The following UGGT2 variants were observed in gnomAD, a reference collection of about 807,000 sequenced individuals.
UGGT2 encodes the protein UDP-glucose:glycoprotein glucosyltransferase 2.
Under a neutral mutation model 192.1 loss-of-function variants are expected in UGGT2, and 180 were observed. The observed-to-expected ratio is 0.94, with a 90% confidence interval of 0.83 to 1.06. The LOEUF is 1.06. Ranked by LOEUF, UGGT2 falls within the 50% of genes least tolerant of loss-of-function variation. UGGT2 has a pLI of 0.00. For synonymous variants in UGGT2, 580 were observed against 591.0 expected (o/e 0.98, Z 0.27); for missense variants, 1,849 against 1,795.7 (o/e 1.03, Z -0.54).
At chr13:95,908,871 C>A (rs370535055) in intron 20 of UGGT2, among the ~76,000 whole-genome samples, 1 of 124,692 alleles carries the variant, frequency 8.0e-6, no homozygotes, top group Middle Eastern at 3.9e-3. Context: ...GAGTAGGTTG[C>A]GAAAATTTTC....
intron 38 of UGGT2, among the ~76,000 whole-genome samples, chr13:95,806,526 C>G (rs1884314128): frequency 6.6e-6 from 1 of 152,106 alleles, no homozygotes. Context: ...ATCAAAACCC[C>G]AATGACACTT....
At chr13:95,912,670 A>C (rs1360962617) in intron 20 of UGGT2, among the ~76,000 whole-genome samples, 2 of 152,200 alleles carry the variant, frequency 1.3e-5, no homozygotes, top group Admixed American at 1.3e-4. Flanking sequence ...GCCCAAGGTA[A>C]TTCATAGATT....
chr13:95,896,154 T>C (rs1486862918), intron 22 of UGGT2, among the ~76,000 whole-genome samples: 1 of 152,088 alleles, frequency 6.6e-6, no homozygotes, highest in African/African-American at 2.4e-5. Context: ...AACCAGATTA[T>C]TTTTTTCTTG....
rs759165928 is a variant in UGGT2 at position 95,859,585 on chromosome 13, A to C, written c.3825+6T>G. 2 of 1,603,870 alleles carry C rather than the reference A, an allele frequency of 1.2e-6. No homozygotes were observed. Among genetic ancestry groups the C allele is most frequent in the African/African-American group, 1.3e-5 (1 of 74,614 alleles). ...AACCATTCTACAAAAAAAGCTATGT[A>C]CTTACTTTAAATGTCGGTGAGAGAT... On this transcript the variant is annotated splice_donor_region_variant and intron_variant, in intron 33 of 38. Transcript: ENST00000376747.
intron 36 of UGGT2, among the ~76,000 whole-genome samples, chr13:95,850,962 G>C (rs1218137865): frequency 1.3e-5 from 2 of 152,202 alleles, no homozygotes. Context: ...TTGATATGAA[G>C]GAATAAAGAC....
chr13:96,015,853 C>T (rs2052320355), intron 4 of UGGT2, among the ~76,000 whole-genome samples: 1 of 152,168 alleles, frequency 6.6e-6, no homozygotes, highest in Non-Finnish European at 1.5e-5. Flanking sequence ...TATATATACA[C>T]CGCAAGGAGT....
At chr13:95,867,301 T>C in intron 30 of UGGT2, 38 bp downstream of exon 30, 1 of 1,476,350 alleles carries the variant, frequency 6.8e-7, no homozygotes, top group Non-Finnish European at 9.2e-7. Flanking sequence ...TTCTTAATAT[T>C]AAGAACAAAG....
chr13:95,971,229 A>G (rs2050763411), intron 11 of UGGT2, among the ~76,000 whole-genome samples: 1 of 152,232 alleles, frequency 6.6e-6, no homozygotes, highest in South Asian at 2.1e-4. Flanking sequence ...GGACGATTCC[A>G]AAGTATTGGC....
intron 2 of UGGT2, among the ~76,000 whole-genome samples, chr13:96,027,988 C>G (rs1297433926): frequency 2.0e-5 from 3 of 152,192 alleles, no homozygotes; most frequent in Non-Finnish European, 4.4e-5. Context: ...ACTACAGGTA[C>G]TCTTCCTTAG....
chr13:95,803,022 G>C (rs367888016), intron 38 of UGGT2, among the ~76,000 whole-genome samples: 3 of 151,956 alleles, frequency 2.0e-5, no homozygotes, highest in East Asian at 2.0e-4. Flanking sequence ...TTTTAGTAGA[G>C]ACGGGGTTTC....
chr13:95,837,789 C>T (rs1156880467), intron 36 of UGGT2, among the ~76,000 whole-genome samples: 1 of 152,100 alleles, frequency 6.6e-6, no homozygotes, highest in Non-Finnish European at 1.5e-5. Flanking sequence ...GGAGTCCTTC[C>T]CTTCCTTTCC....
intron 5 of UGGT2, among the ~76,000 whole-genome samples, chr13:96,005,909 C>T (rs866718912): frequency 2.6e-5 from 4 of 152,134 alleles, no homozygotes; most frequent in African/African-American, 7.2e-5. Flanking sequence ...GGAACACAAA[C>T]GTGAAACCCA....
intron 38 of UGGT2, among the ~76,000 whole-genome samples, chr13:95,824,528 A>C (rs3099357): frequency 0.28 from 43,193 of 152,008 alleles, 7,531 homozygotes; most frequent in Non-Finnish European, 0.39. Flanking sequence ...ATTAATCAAA[A>C]GCCTATCTTT....
chr13:95,914,508 C>T (rs1416540893), intron 20 of UGGT2, among the ~76,000 whole-genome samples: 1 of 150,508 alleles, frequency 6.6e-6, no homozygotes, highest in Non-Finnish European at 1.5e-5. Flanking sequence ...GGCTCAGTGG[C>T]TCCTGCCTAT....
At chr13:95,921,161 ATGGCATAAACAACACACACTG>A (rs2048832384) in intron 20 of UGGT2, among the ~76,000 whole-genome samples, 1 of 151,998 alleles carries the variant, frequency 6.6e-6, no homozygotes, top group Non-Finnish European at 1.5e-5. Context: ...CATGGACAAA[ATGGCATAAACAACACACACTG>A]TGGTCTGTTG....
chr13:96,047,360 G>T lies in UGGT2; in HGVS notation c.158+5795C>A, dbSNP rs182762185. Among the ~76,000 whole-genome samples, 302 of 152,330 alleles carry T rather than the reference G, an allele frequency of 2.0e-3. 3 individuals are homozygous for T. The highest frequency in any genetic ancestry group is 6.9e-3 in the African/African-American group (287 of 41,564). On this transcript the variant is annotated intron_variant, in intron 1 of 38. Transcript: ENST00000376747. ...TGCTGTAGATACCCAGGCAAACAGG[G>T]TCTGGAGTGGACCTCCAGCAAACTC...
intron 37 of UGGT2, 124 bp from the exon 38 acceptor site, chr13:95,833,177 G>A: frequency 9.8e-7 from 1 of 1,016,084 alleles, no homozygotes; most frequent in Non-Finnish European, 1.4e-6. Context: ...AGTACTGGAA[G>A]TTTAATACAC....
At chr13:95,993,616 T>C (rs2051524355) in intron 7 of UGGT2, among the ~76,000 whole-genome samples, 1 of 152,126 alleles carries the variant, frequency 6.6e-6, no homozygotes, top group Non-Finnish European at 1.5e-5. Context: ...TATTAACATT[T>C]TAAGGCCACT....
intron 10 of UGGT2, among the ~76,000 whole-genome samples, chr13:95,979,390 T>C (rs1482670025): frequency 6.6e-6 from 1 of 152,046 alleles, no homozygotes; most frequent in African/African-American, 2.4e-5. Context: ...AAAGCTACAC[T>C]AGAAGAATTA....
Sources: gnomAD v4.1 joint callset for allele counts (sites outside exome capture counted in the v4.1 genomes callset) on GRCh38, gnomAD v4.1.1 for gene constraint, MANE v1.5 for transcripts, NCBI Gene and HGNC (gene_info 2026-07-23, HGNC 2026-07-21) for gene names.